SPMAP2L: variants seen among roughly 807,000 people sequenced by gnomAD.
SPMAP2L encodes the protein sperm microtubule associated protein 2 like, also known as sperm microtubule associated protein 2-like.
chr4:56,536,132 T>C, the SPMAP2L span, among the ~76,000 whole-genome samples: 1 of 152,202 alleles, frequency 6.6e-6, no homozygotes. Context: ...GCCTGGCTCC[T>C]AACAGGCCAC....
At chr4:56,599,058 G>A in the SPMAP2L span, among the ~76,000 whole-genome samples, 6 of 151,878 alleles carry the variant, frequency 4.0e-5, no homozygotes, top group Non-Finnish European at 1.5e-5. Context: ...CTCCCCAATG[G>A]AACTGTGATT....
chr4:56,548,133 C>A, the SPMAP2L span, among the ~76,000 whole-genome samples: 1 of 152,176 alleles, frequency 6.6e-6, no homozygotes, highest in African/African-American at 2.4e-5. Context: ...ACCCTTCCAA[C>A]ATCTTTATAC....
the SPMAP2L span, among the ~76,000 whole-genome samples, chr4:56,622,229 T>G: frequency 6.6e-6 from 1 of 152,246 alleles, no homozygotes; most frequent in African/African-American, 2.4e-5. Context: ...GATAGATTCT[T>G]GGGGAAATCT....
At chr4:56,581,618 TA>T in the SPMAP2L span, among the ~76,000 whole-genome samples, 1,468 of 138,344 alleles carry the variant, frequency 0.011, 13 homozygotes, top group African/African-American at 0.026. Flanking sequence ...AGACCCTGTC[TA>T]AAAAAAAAAA....
At chr4:56,539,778 C>T in the SPMAP2L span, among the ~76,000 whole-genome samples, 1 of 152,266 alleles carries the variant, frequency 6.6e-6, no homozygotes, top group East Asian at 1.9e-4. Context: ...GTCTCATGAC[C>T]ATGCTACTTC....
chr4:56,578,031 G>T, the SPMAP2L span, among the ~76,000 whole-genome samples: 1 of 152,022 alleles, frequency 6.6e-6, no homozygotes. Flanking sequence ...GGCACAAAAA[G>T]AATTAACTAC....
chr4:56,570,499 A>G, the SPMAP2L span, among the ~76,000 whole-genome samples: 1 of 152,208 alleles, frequency 6.6e-6, no homozygotes, highest in Non-Finnish European at 1.5e-5. Context: ...CACAATGGTA[A>G]GTATTTGTGT....
the SPMAP2L span, among the ~76,000 whole-genome samples, chr4:56,548,991 CT>C: frequency 2.9e-3 from 406 of 139,342 alleles, no homozygotes; most frequent in Middle Eastern, 7.3e-3. Context: ...TTCTTTCTTT[CT>C]TTTTTTTTTT....
At chr4:56,545,606 A>G in the SPMAP2L span, among the ~76,000 whole-genome samples, 1 of 151,396 alleles carries the variant, frequency 6.6e-6, no homozygotes, top group Non-Finnish European at 1.5e-5. Flanking sequence ...CTGTAGTCCC[A>G]GCTACTCGGG....
chr4:56,608,517 G>A, the SPMAP2L span, among the ~76,000 whole-genome samples: 5 of 152,290 alleles, frequency 3.3e-5, no homozygotes, highest in East Asian at 9.7e-4. Flanking sequence ...AGGCCCTTGA[G>A]GACAGAATGA....
chr4:56,592,717 C>T, the SPMAP2L span, among the ~76,000 whole-genome samples: 4 of 152,092 alleles, frequency 2.6e-5, no homozygotes, highest in Non-Finnish European at 5.9e-5. Flanking sequence ...GGGGCGGCCG[C>T]CGCCTGGCTG....
chr4:56,575,469 G>A, the SPMAP2L span: 103 of 1,531,568 alleles, frequency 6.7e-5, no homozygotes, highest in Non-Finnish European at 8.6e-5. Flanking sequence ...AATCATGCTT[G>A]TTTCGTTTAC....
the SPMAP2L span, among the ~76,000 whole-genome samples, chr4:56,534,660 C>T: frequency 6.6e-6 from 1 of 152,204 alleles, no homozygotes; most frequent in East Asian, 1.9e-4. Context: ...GGTGCAGTGG[C>T]TTACGCCTGT....
At chr4:56,575,344 C>T in the SPMAP2L span, among the ~76,000 whole-genome samples, 4 of 152,072 alleles carry the variant, frequency 2.6e-5, no homozygotes, top group African/African-American at 7.2e-5. Context: ...TGGGTGTAAC[C>T]GTTTCTAAAG....
chr4:56,530,795 T>A, the SPMAP2L span: 1 of 1,535,326 alleles, frequency 6.5e-7, no homozygotes, highest in Admixed American at 2.0e-5. Context: ...CTCAGGATTC[T>A]CGACACTCAC....
At chr4:56,600,921 G>A in the SPMAP2L span, 5 of 1,528,234 alleles carry the variant, frequency 3.3e-6, no homozygotes, top group Admixed American at 6.1e-5. Flanking sequence ...GTGTCTCTTT[G>A]TTTCCACTAT....
the SPMAP2L span, chr4:56,548,868 G>T: frequency 2.2e-6 from 3 of 1,347,026 alleles, no homozygotes; most frequent in Non-Finnish European, 2.9e-6. Context: ...TAAACTAATA[G>T]GCCAGCCAAT....
the SPMAP2L span, among the ~76,000 whole-genome samples, chr4:56,565,634 T>C: frequency 6.6e-6 from 1 of 152,330 alleles, no homozygotes; most frequent in Admixed American, 6.5e-5. Flanking sequence ...TTGTTTCAGG[T>C]AGAAAATTAT....
the SPMAP2L span, among the ~76,000 whole-genome samples, chr4:56,621,118 A>AGAT: frequency 7.9e-5 from 12 of 152,248 alleles, no homozygotes; most frequent in African/African-American, 2.9e-4. Context: ...CATAAAATTT[A>AGAT]GATAGGAGAA....
Sources: gnomAD v4.1 joint callset for allele counts (sites outside exome capture counted in the v4.1 genomes callset) on GRCh38, gnomAD v4.1.1 for gene constraint, MANE v1.5 for transcripts, NCBI Gene and HGNC (gene_info 2026-07-23, HGNC 2026-07-21) for gene names.